The following COX6B1 variants were observed in gnomAD, a reference collection of about 807,000 sequenced individuals.
COX6B1 encodes the protein cytochrome c oxidase subunit 6B1.
Under a neutral mutation model 14.0 loss-of-function variants are expected in COX6B1, and 2 were observed. The observed-to-expected ratio is 0.14, with a 90% confidence interval of 0.06 to 0.45. The LOEUF is 0.45. Ranked by LOEUF, COX6B1 falls within the 20% of genes least tolerant of loss-of-function variation. COX6B1 has a pLI of 0.98. For missense variants in COX6B1, 81 were observed against 114.2 expected (o/e 0.71, Z 1.33); for synonymous variants, 30 against 39.7 (o/e 0.76, Z 0.92).
intron 3 of COX6B1, among the ~76,000 whole-genome samples, chr19:35,657,665 T>TC (rs1018407255): frequency 3.3e-5 from 5 of 149,300 alleles, no homozygotes; most frequent in African/African-American, 1.2e-4. Flanking sequence ...TTTTTTTTTT[T>TC]TTTTTTTAGA....
Position 35,654,120 on chromosome 19 carries a change from T to G in COX6B1, c.107-451T>G, listed in dbSNP as rs146421084. Reference sequence around the variant, plus strand: ...ATCCATACATGCTGTGGCATATAGCTTGCTCATTTTCATTGCTGTCCAGTT... The same window carrying G: ...ATCCATACATGCTGTGGCATATAGCGTGCTCATTTTCATTGCTGTCCAGTT... On this transcript the variant is annotated intron_variant, in intron 2 of 3. Coordinates refer to ENST00000649813, the MANE Select transcript of COX6B1 (RefSeq NM_001863.5). Among the ~76,000 whole-genome samples, 367 of 152,386 alleles carry G rather than the reference T, an allele frequency of 2.4e-3. 4 individuals carry two copies. Among genetic ancestry groups the G allele is most frequent in the African/African-American group, 8.3e-3 (347 of 41,600 alleles).
At chr19:35,651,382 G>C (rs371108067) in intron 2 of COX6B1, 33 bp downstream of exon 2, 2 of 1,542,946 alleles carry the variant, frequency 1.3e-6, no homozygotes, top group South Asian at 1.1e-5. Context: ...CACATACCTC[G>C]AGTCACTCAC....
chr19:35,649,058 C>T (rs1221637693), intron 1 of COX6B1: 1 of 425,002 alleles, frequency 2.4e-6, no homozygotes, highest in African/African-American at 2.0e-5. Flanking sequence ...TGTATAGCCC[C>T]ACGACTCCTA....
chr19:35,654,811 C>T, intron 3 of COX6B1, 140 bp downstream of exon 3: 1 of 714,022 alleles, frequency 1.4e-6, no homozygotes, highest in Non-Finnish European at 2.4e-6. Flanking sequence ...AGTGCCTTTC[C>T]TCCCGCCTAG....
rs899217891 is a variant in COX6B1, at chr19:35,654,732, T to C, written c.207+61T>C. The C allele has an allele frequency of 2.8e-6, 4 of 1,449,672 alleles. No homozygotes were observed. In the Admixed American group the frequency reaches 5.1e-5, roughly 18 times the overall value. 89.8% of individuals were successfully genotyped at this position (1,449,672 alleles called of 1,614,324 possible). A position where few individuals can be genotyped will look rare whatever the true frequency, so the allele number is the denominator to read the frequency against. On this transcript the variant is annotated intron_variant, in intron 3 of 3. Coordinates refer to ENST00000649813, the MANE Select transcript of COX6B1 (RefSeq NM_001863.5). The stretch of plus-strand genomic sequence containing the variant: ...GGTGGGGTCTTAGCAGAGGGGAGTG[T>C]GGTGGCTTGGTGGGAGCTCATCTGT...
intron 2 of COX6B1, among the ~76,000 whole-genome samples, chr19:35,653,243 G>T (rs1042417034): frequency 6.6e-6 from 1 of 151,122 alleles, no homozygotes; most frequent in African/African-American, 2.4e-5. Context: ...AAAGTGCTGA[G>T]ATTACAGGTG....
intron 3 of COX6B1, among the ~76,000 whole-genome samples, chr19:35,655,110 A>G (rs1275697725): frequency 6.7e-6 from 1 of 149,622 alleles, no homozygotes; most frequent in Non-Finnish European, 1.5e-5. Context: ...CCTCACTGCA[A>G]CCTCCGCCTC....
intron 3 of COX6B1, among the ~76,000 whole-genome samples, chr19:35,657,523 A>G (rs1363008593): frequency 6.6e-6 from 1 of 151,992 alleles, no homozygotes; most frequent in Non-Finnish European, 1.5e-5. Flanking sequence ...CCTGCCTTAT[A>G]GCATAAAATG....
At chr19:35,651,430 TC>T (rs1398919119) in intron 2 of COX6B1, 81 bp downstream of exon 2, 1 of 1,010,824 alleles carries the variant, frequency 9.9e-7, no homozygotes, top group Non-Finnish European at 1.5e-6. Context: ...CACCCCAGCC[TC>T]CTCCCTTTTA....
intron 2 of COX6B1, among the ~76,000 whole-genome samples, chr19:35,653,201 C>G (rs1875528515): frequency 6.6e-6 from 1 of 151,072 alleles, no homozygotes; most frequent in Non-Finnish European, 1.5e-5. Flanking sequence ...TCTTAAACTC[C>G]TGACCTCGTG....
At chr19:35,657,253 A>G (rs1435209518) in intron 3 of COX6B1, among the ~76,000 whole-genome samples, 1 of 151,712 alleles carries the variant, frequency 6.6e-6, no homozygotes, top group Non-Finnish European at 1.5e-5. Flanking sequence ...ATCATCAGGC[A>G]TTAGATTCTC....
chr19:35,656,606 G>A (rs1041076334), intron 3 of COX6B1, among the ~76,000 whole-genome samples: 17 of 150,384 alleles, frequency 1.1e-4, no homozygotes, highest in Non-Finnish European at 2.4e-4. Flanking sequence ...TCAGCCTCCC[G>A]AGTGTCTGGG....
chr19:35,657,089 A>T (rs114649034), intron 3 of COX6B1, among the ~76,000 whole-genome samples: 3 of 152,060 alleles, frequency 2.0e-5, no homozygotes, highest in African/African-American at 7.2e-5. Flanking sequence ...TGAGTCCAGC[A>T]TATTACATTT....
intron 2 of COX6B1, among the ~76,000 whole-genome samples, chr19:35,653,642 G>A (rs577760062): frequency 8.9e-5 from 13 of 146,080 alleles, no homozygotes; most frequent in African/African-American, 2.6e-4. Flanking sequence ...GTGCAGTGGC[G>A]TGATCTCGGC....
At chr19:35,658,465 A>C (rs1393943530) in intron 3 of COX6B1, 129 bp from the exon 4 acceptor site, 1 of 763,406 alleles carries the variant, frequency 1.3e-6, no homozygotes, top group East Asian at 2.7e-5. Flanking sequence ...CGGCCTCTAG[A>C]ATAGAGGTTG....
chr19:35,654,257 T>A (rs1967862884), intron 2 of COX6B1, among the ~76,000 whole-genome samples: 1 of 152,192 alleles, frequency 6.6e-6, no homozygotes, highest in Non-Finnish European at 1.5e-5. Context: ...GTGCAGTGGC[T>A]CACGCCTGTA....
rs142041808 is a variant in COX6B1, at chr19:35,656,711, C to T, written c.208-1883C>T. 6.0e-3 allele frequency among the ~76,000 whole-genome samples: 906 copies of T among 152,154 alleles called. 1 individual carries two copies. Among genetic ancestry groups the T allele is most frequent in the African/African-American group, 0.021 (858 of 41,510 alleles). Reference sequence around the variant, plus strand: ...GGCCAGGCTGGTCTCAAACTCCTGACCTCAGGTGATGCACCTGCTTCGGCC... The same window carrying T: ...GGCCAGGCTGGTCTCAAACTCCTGATCTCAGGTGATGCACCTGCTTCGGCC... On this transcript the variant is annotated intron_variant, in intron 3 of 3. Coordinates refer to ENST00000649813, the MANE Select transcript of COX6B1 (RefSeq NM_001863.5).
At chr19:35,655,676 C>T (rs956892827) in intron 3 of COX6B1, among the ~76,000 whole-genome samples, 1 of 151,712 alleles carries the variant, frequency 6.6e-6, no homozygotes, top group African/African-American at 2.4e-5. Context: ...CCAGGCTAGA[C>T]TCGAACTCCT....
At chr19:35,657,379 C>T (rs746182940) in intron 3 of COX6B1, among the ~76,000 whole-genome samples, 3 of 151,950 alleles carry the variant, frequency 2.0e-5, no homozygotes, top group South Asian at 2.1e-4. Context: ...GGCAGTAATG[C>T]GAGCATTAGG....
Sources: allele counts gnomAD v4.1 joint callset (sites outside exome capture counted in the v4.1 genomes callset), GRCh38; gene constraint gnomAD v4.1.1; transcripts MANE v1.5; gene names NCBI Gene and HGNC (gene_info 2026-07-23, HGNC 2026-07-21).